SSR1: variants seen among roughly 807,000 people sequenced by gnomAD.
The protein encoded by SSR1 is signal sequence receptor subunit 1.
Under a neutral mutation model 36.1 loss-of-function variants are expected in SSR1, and 13 were observed. The ratio of observed to expected loss-of-function variants is 0.36; its 90% CI spans 0.23 to 0.57. SSR1 has a LOEUF of 0.57. Among genes scored for constraint, SSR1 ranks in the 20% least tolerant of loss-of-function variants. The probability of loss-of-function intolerance (pLI) is 0.81; values close to 1 mark genes in which losing one functional copy is unlikely to be tolerated. For missense variants in SSR1, 291 were observed against 338.5 expected (o/e 0.86, Z 1.10); for synonymous variants, 113 against 118.9 (o/e 0.95, Z 0.32).
intron 1 of SSR1, 61 bp from the exon 2 acceptor site, chr6:7,310,090 T>G: frequency 7.1e-7 from 1 of 1,417,532 alleles, no homozygotes; most frequent in Non-Finnish European, 9.9e-7. Context: ...TTTCTTTTTT[T>G]AACATCAGGT....
chr6:7,299,250 CAGAA>C (rs982226966), intron 4 of SSR1, among the ~76,000 whole-genome samples: 1 of 152,192 alleles, frequency 6.6e-6, no homozygotes, highest in African/African-American at 2.4e-5. Context: ...ATAAAACGTG[CAGAA>C]AGAAACAAAG....
chr6:7,300,744 G>A (rs1355970721), intron 4 of SSR1, among the ~76,000 whole-genome samples: 1 of 152,192 alleles, frequency 6.6e-6, no homozygotes, highest in African/African-American at 2.4e-5. Flanking sequence ...CCAGGTTCAA[G>A]TGATTCTCCT....
intron 7 of SSR1, chr6:7,295,028 G>C (rs940575129): frequency 7.2e-7 from 1 of 1,397,028 alleles, no homozygotes; most frequent in Non-Finnish European, 9.4e-7. Context: ...AAATATTTAC[G>C]TGCTATTTGA....
chr6:7,306,415 G>T (rs141891833), intron 2 of SSR1, among the ~76,000 whole-genome samples: 3,555 of 151,936 alleles, frequency 0.023, 92 homozygotes, highest in African/African-American at 0.061. Flanking sequence ...AGTGCTGGGA[G>T]TACAGGCGTG....
intron 2 of SSR1, among the ~76,000 whole-genome samples, chr6:7,305,611 A>G (rs1387661492): frequency 1.3e-5 from 2 of 152,242 alleles, no homozygotes; most frequent in Non-Finnish European, 2.9e-5. Context: ...TTACAAAAGG[A>G]AAGAATAATG....
chr6:7,282,271 G>C lies in SSR1; in HGVS notation c.*7593C>G, dbSNP rs1757439710. On this transcript the variant is annotated 3_prime_UTR_variant, in exon 8 of 8. Transcript: ENST00000244763. The stretch of plus-strand genomic sequence containing the variant: ...ATTTTGACAAAACGGAAAAACAACA[G>C]AACAGGAAGTGAGGCAGGAGAACCA... The C allele has an allele frequency of 6.6e-6, 1 of 152,264 alleles. No individual in the cohort carries two copies. Among genetic ancestry groups the C allele is most frequent in the Non-Finnish European group, 1.5e-5 (1 of 68,080 alleles). The allele number at this position is 152,264 out of a possible 1,614,324, so 9.4% of individuals were successfully genotyped here.
chr6:7,294,901 T>C (rs968824874), intron 7 of SSR1, among the ~76,000 whole-genome samples: 3 of 152,204 alleles, frequency 2.0e-5, no homozygotes, highest in Non-Finnish European at 4.4e-5. Context: ...CTGAAATGTA[T>C]CTGTAAAATA....
In SSR1 at chr6:7,309,878, C is replaced by T. The variant is rs115561040; in HGVS notation, c.192+39G>A. On this transcript the variant is annotated intron_variant, in intron 2 of 7. Transcript: ENST00000244763. ...GCATGAGAACAGATGAATACAATTA[C>T]ATACATTTTACATATATTAAATAGT... is the stretch of plus-strand genomic sequence containing the variant. 3.6e-3 allele frequency: 5,098 copies of T among 1,422,292 alleles called. 68 individuals are homozygous for T. In the African/African-American group the frequency reaches 0.041, roughly 11 times the overall value. The allele number at this position is 1,422,292 out of a possible 1,614,324, so 88.1% of individuals were successfully genotyped here.
intron 2 of SSR1, among the ~76,000 whole-genome samples, chr6:7,307,421 G>A (rs1465336687): frequency 1.3e-5 from 2 of 152,226 alleles, no homozygotes; most frequent in African/African-American, 2.4e-5. Context: ...AATCAGAGTT[G>A]TTCTTTTTCC....
rs758636784 is a variant in SSR1, at chr6:7,313,069, T to G, written c.52A>C (p.Thr18Pro). The G allele has an allele frequency of 2.5e-6, 4 of 1,608,642 alleles. No homozygotes were observed. The highest frequency in any genetic ancestry group is 1.1e-5 in the South Asian group (1 of 90,288). Reference sequence around the variant, plus strand: ...CTGGGGCCGCCTCGGAACAAGACAGTGGCAGGGAACACGAGTAAGAGAAGC... The same window carrying G: ...CTGGGGCCGCCTCGGAACAAGACAGGGGCAGGGAACACGAGTAAGAGAAGC... Reference protein sequence around the residue: ...LLLLLLVFPATVLFRGGPRGL... With the variant: ...LLLLLLVFPAPVLFRGGPRGL... The change falls in exon 1 of 8, where the codon ACT becomes CCT. Residue 18 changes from threonine to proline, a missense_variant. Physicochemically the swap from Thr to Pro is conservative, Grantham distance 38. Transcript: ENST00000244763.
intron 3 of SSR1, among the ~76,000 whole-genome samples, chr6:7,301,933 C>G (rs1206171151): frequency 6.6e-6 from 1 of 152,140 alleles, no homozygotes; most frequent in Non-Finnish European, 1.5e-5. Flanking sequence ...TTAGTGTTAT[C>G]TGTGCAGGTA....
Position 7,282,320 on chromosome 6 carries a change from C to T in SSR1, c.*7544G>A. 6.6e-6 allele frequency: 1 copy of T among 152,216 alleles called. No homozygotes were observed. Among genetic ancestry groups the T allele is most frequent in the Non-Finnish European group, 1.5e-5 (1 of 68,080 alleles). The allele number at this position is 152,216 out of a possible 1,614,324, so 9.4% of individuals were successfully genotyped here. ...CACAGAGATGGAAGCCAGGAGGTGT[C>T]CAATTAGACGGGCACAAGAGAAAAA... On this transcript the variant is annotated 3_prime_UTR_variant, in exon 8 of 8. Coordinates refer to ENST00000244763, the MANE Select transcript of SSR1 (RefSeq NM_003144.5).
At chr6:7,312,928 A>C in intron 1 of SSR1, 114 bp downstream of exon 1, 4 of 1,071,042 alleles carry the variant, frequency 3.7e-6, no homozygotes, top group Non-Finnish European at 5.5e-6. Flanking sequence ...GAGAGAGGCC[A>C]GCGGGGTGGA....
At chr6:7,297,612 C>G (rs965319350) in intron 6 of SSR1, among the ~76,000 whole-genome samples, 31 of 152,046 alleles carry the variant, frequency 2.0e-4, no homozygotes, top group Admixed American at 1.6e-3. Flanking sequence ...ATGGTCCCAG[C>G]TAACCGGGAG....
intron 2 of SSR1, 74 bp from the exon 3 acceptor site, chr6:7,303,711 C>A: frequency 8.1e-7 from 1 of 1,240,758 alleles, no homozygotes; most frequent in African/African-American, 1.5e-5. Flanking sequence ...AAAGATTTGG[C>A]CGGGCACGGT....
intron 1 of SSR1, among the ~76,000 whole-genome samples, chr6:7,310,255 C>G (rs1010562090): frequency 2.9e-5 from 4 of 139,716 alleles, no homozygotes; most frequent in Non-Finnish European, 4.5e-5. Context: ...GAGTCAGGGT[C>G]TTGCTCTGAT....
intron 4 of SSR1, among the ~76,000 whole-genome samples, chr6:7,299,689 CAAA>C (rs752427852): frequency 3.5e-5 from 4 of 113,194 alleles, no homozygotes; most frequent in Non-Finnish European, 3.7e-5. Flanking sequence ...ACTCCCACCT[CAAA>C]AAAAAAAAAA....
chr6:7,284,378 C>A lies in SSR1; in HGVS notation c.*5486G>T, dbSNP rs1757500191. 6.6e-6 allele frequency: 1 copy of A among 152,176 alleles called. No individual in the cohort carries two copies. The highest frequency in any genetic ancestry group is 1.5e-5 in the Non-Finnish European group (1 of 68,018). The allele number at this position is 152,176 out of a possible 1,614,324, so 9.4% of individuals were successfully genotyped here. On this transcript the variant is annotated 3_prime_UTR_variant, in exon 8 of 8. Coordinates refer to ENST00000244763, the MANE Select transcript of SSR1 (RefSeq NM_003144.5). Reference sequence around the variant, plus strand: ...AGTGCTAGCCATATTACATGCCCATCTTAAAACTTTTATCCTTTAGTTACA... The same window carrying A: ...AGTGCTAGCCATATTACATGCCCATATTAAAACTTTTATCCTTTAGTTACA...
intron 2 of SSR1, among the ~76,000 whole-genome samples, chr6:7,306,283 C>T (rs573095392): frequency 4.7e-4 from 71 of 152,234 alleles, no homozygotes; most frequent in African/African-American, 1.6e-3. Context: ...GCTGGGACTA[C>T]AGGTGCCCAC....
Sources: allele counts gnomAD v4.1 joint callset (sites outside exome capture counted in the v4.1 genomes callset), GRCh38; gene constraint gnomAD v4.1.1; transcripts MANE v1.5; gene names NCBI Gene and HGNC (gene_info 2026-07-23, HGNC 2026-07-21).